The following IL6R variants were observed in gnomAD, a reference collection of about 807,000 sequenced individuals.
IL6R encodes the protein interleukin 6 receptor.
IL6R carries 38 observed loss-of-function variants against 48.3 expected under a neutral mutation model. The ratio of observed to expected loss-of-function variants is 0.79; its 90% CI spans 0.61 to 1.03. The LOEUF is 1.03. Among genes scored for constraint, IL6R ranks in the 50% least tolerant of loss-of-function variants. IL6R has a pLI of 0.00. For missense variants in IL6R, 534 were observed against 618.3 expected, an observed-to-expected ratio of 0.86 and a Z score of 1.45; for synonymous variants, 264 against 256.2, an observed-to-expected ratio of 1.03 and a Z score of -0.29.
At position 154,426,076 on chromosome 1, in the gene IL6R, G is replaced by GACACACAC. The variant is rs34280647; in HGVS notation, c.86-3094_86-3087dup. Among the ~76,000 whole-genome samples, 175 of 119,956 alleles carry GACACACAC rather than the reference G, an allele frequency of 1.5e-3. 1 individual carries two copies. Among genetic ancestry groups the GACACACAC allele is most frequent in the South Asian group, 0.011 (44 of 3,838 alleles). The allele number at this position is 119,956 out of a possible 152,430, so 78.7% of individuals were successfully genotyped here. A position where few individuals can be genotyped will look rare whatever the true frequency, so the allele number is the denominator to read the frequency against. On this transcript the variant is annotated intron_variant, in intron 1 of 9. Transcript: ENST00000368485. The stretch of plus-strand genomic sequence containing the variant: ...GGCAGCAGACTGAGACCCTGTATCA[G>GACACACAC]ACACACACACACACACACACACACA...
intron 1 of IL6R, among the ~76,000 whole-genome samples, chr1:154,415,563 C>T (rs1688293351): frequency 6.6e-6 from 1 of 152,248 alleles, no homozygotes; most frequent in South Asian, 2.1e-4. Context: ...GTCTCTTCTT[C>T]TGTCAAATAG....
chr1:154,422,369 A>G (rs1394683573), intron 1 of IL6R, among the ~76,000 whole-genome samples: 1 of 152,208 alleles, frequency 6.6e-6, no homozygotes, highest in Non-Finnish European at 1.5e-5. Context: ...CTTTAGAATA[A>G]TTGATCCCTC....
chr1:154,445,749 C>CAAAA (rs35455075), intron 6 of IL6R, among the ~76,000 whole-genome samples: 1 of 134,254 alleles, frequency 7.4e-6, no homozygotes, highest in Non-Finnish European at 1.6e-5. Context: ...GACTCGGTCT[C>CAAAA]AAAAAAAAAA....
At chr1:154,446,627 G>A (rs1690243870) in intron 6 of IL6R, among the ~76,000 whole-genome samples, 1 of 152,156 alleles carries the variant, frequency 6.6e-6, no homozygotes, top group Admixed American at 6.5e-5. Context: ...CTTGCCTTGG[G>A]GTTTCCGCAG....
intron 6 of IL6R, among the ~76,000 whole-genome samples, chr1:154,436,623 C>T (rs1471197180): frequency 6.6e-6 from 1 of 152,168 alleles, no homozygotes; most frequent in Non-Finnish European, 1.5e-5. Flanking sequence ...GAGATGGCCT[C>T]AGTCACATGT....
intron 6 of IL6R, chr1:154,445,004 G>GGAGATTTGTACACACAGCCTTT: frequency 2.2e-6 from 1 of 451,762 alleles, no homozygotes; most frequent in Non-Finnish European, 4.4e-6. Context: ...CAGACACTGT[G>GGAGATTTGTACACACAGCCTTT]GAGATTTGTA....
intron 1 of IL6R, among the ~76,000 whole-genome samples, chr1:154,416,892 A>G (rs1688389193): frequency 6.6e-6 from 1 of 152,176 alleles, no homozygotes; most frequent in Admixed American, 6.5e-5. Context: ...GAACAGAAGC[A>G]TCCTCAGGGG....
chr1:154,436,005 G>A lies in IL6R; in HGVS notation c.844G>A (p.Ala282Thr), dbSNP rs748599019. 12 of 1,611,484 alleles carry A rather than the reference G, an allele frequency of 7.4e-6. No individual in the cohort carries two copies. The highest frequency in any genetic ancestry group is 9.3e-6 in the Non-Finnish European group (11 of 1,178,276). Residue 282 changes from alanine to threonine, a missense_variant, in exon 6 of 10, where the codon GCC (alanine) becomes ACC (threonine). By Grantham distance (58) the Ala-to-Thr change is moderately conservative (BLOSUM62 0). Coordinates refer to ENST00000368485, the MANE Select transcript of IL6R (RefSeq NM_000565.4). Reference protein sequence around the residue: ...DLQHHCVIHDAWSGLRHVVQL... With the variant: ...DLQHHCVIHDTWSGLRHVVQL... ...CCAGCATCACTGTGTCATCCACGAC[G>A]CCTGGAGCGGCCTGAGGCACGTGGT...
chr1:154,461,483 G>A (rs1200402020), intron 9 of IL6R, among the ~76,000 whole-genome samples: 2 of 152,116 alleles, frequency 1.3e-5, no homozygotes, highest in African/African-American at 4.8e-5. Context: ...CATGACAGAG[G>A]GTTCACCTCT....
rs114037538 is a variant in IL6R at position 154,464,887 on chromosome 1, G to A, written c.1161-247G>A. Among the ~76,000 whole-genome samples the A allele has an allele frequency of 5.6e-3, 852 of 152,254 alleles. 2 individuals are homozygous for A. The highest frequency in any genetic ancestry group is 0.037 in the Middle Eastern group (11 of 294). ...GGTGGAAGAATCACCTGAGCCCAAG[G>A]AGGTTGAGGCTGCTGTGAGCTGAGA... is the stretch of plus-strand genomic sequence containing the variant. On this transcript the variant is annotated intron_variant, in intron 9 of 9. Coordinates refer to ENST00000368485, the MANE Select transcript of IL6R (RefSeq NM_000565.4).
At position 154,434,557 on chromosome 1, in the gene IL6R, A is replaced by G. The variant is rs1325346805; in HGVS notation, c.497A>G (p.Gln166Arg). The change falls in exon 4 of 10, where the codon CAG (glutamine) becomes CGG (arginine). Residue 166 changes from glutamine (Q) to arginine (R), a missense_variant. By Grantham distance (43) the Gln-to-Arg change is conservative. Coordinates refer to ENST00000368485, the MANE Select transcript of IL6R (RefSeq NM_000565.4). ...SPAEDFQEPC[Q>R]YSQESQKFSC... is the part of the protein sequence containing the mutation. ...GCCGAAGACTTCCAGGAGCCGTGCCAGTATTCCCAGGAGTCCCAGAAGTTC... is the reference window on the plus strand; with the variant it reads ...GCCGAAGACTTCCAGGAGCCGTGCCGGTATTCCCAGGAGTCCCAGAAGTTC... 6.2e-7 allele frequency: 1 copy of G among 1,614,050 alleles called. No individual in the cohort carries two copies. Among genetic ancestry groups the G allele is most frequent in the Admixed American group, 1.7e-5 (1 of 60,008 alleles).
At chr1:154,454,377 G>C in intron 8 of IL6R, 111 bp from the exon 9 acceptor site, 2 of 698,366 alleles carry the variant, frequency 2.9e-6, no homozygotes, top group Non-Finnish European at 5.0e-6. Context: ...GGAGGGGAAG[G>C]TTCCTTTGAG....
At chr1:154,442,441 G>T (rs571581900) in intron 6 of IL6R, among the ~76,000 whole-genome samples, 1 of 152,196 alleles carries the variant, frequency 6.6e-6, no homozygotes, top group South Asian at 2.1e-4. Flanking sequence ...AGGCCGACAC[G>T]TGTGTGGGTG....
chr1:154,459,447 A>G (rs1268847737), intron 9 of IL6R, among the ~76,000 whole-genome samples: 1 of 152,224 alleles, frequency 6.6e-6, no homozygotes, highest in Non-Finnish European at 1.5e-5. Context: ...TCTAGCAAAG[A>G]GTATAAACTT....
At chr1:154,457,739 T>C (rs1690973073) in intron 9 of IL6R, among the ~76,000 whole-genome samples, 1 of 152,202 alleles carries the variant, frequency 6.6e-6, no homozygotes, top group Non-Finnish European at 1.5e-5. Flanking sequence ...GATGTCAGGC[T>C]GGGTCTTCTA....
chr1:154,459,355 T>C (rs570613672), intron 9 of IL6R, among the ~76,000 whole-genome samples: 1 of 152,336 alleles, frequency 6.6e-6, no homozygotes, highest in Non-Finnish European at 1.5e-5. Context: ...TTCCATTTTC[T>C]TCTGTATAAG....
chr1:154,452,570 C>A (rs188416788), intron 8 of IL6R, among the ~76,000 whole-genome samples: 1 of 151,666 alleles, frequency 6.6e-6, no homozygotes, highest in Non-Finnish European at 1.5e-5. Flanking sequence ...CGGTGGCTCA[C>A]GCCTGTAATC....
In IL6R at chr1:154,465,193, C is replaced by T. The variant is rs149334407; in HGVS notation, c.1220C>T (p.Pro407Leu). The stretch of plus-strand genomic sequence containing the variant: ...GAAGGCAAGACAAGCATGCATCCGC[C>T]GTACTCTTTGGGGCAGCTGGTCCCG... ...LKEGKTSMHPPYSLGQLVPER... is the reference protein window; with the variant it reads ...LKEGKTSMHPLYSLGQLVPER... The change falls in exon 10 of 10, where the codon CCG becomes CTG. Residue 407 changes from proline (P) to leucine (L), a missense_variant. By Grantham distance (98) the Pro-to-Leu change is moderately conservative. Transcript: ENST00000368485. The T allele has an allele frequency of 1.4e-5, 23 of 1,614,002 alleles. No homozygotes were observed. In the East Asian group the frequency reaches 1.8e-4, roughly 13 times the overall value.
intron 1 of IL6R, among the ~76,000 whole-genome samples, chr1:154,407,884 C>G (rs1468959469): frequency 6.6e-6 from 1 of 152,142 alleles, no homozygotes; most frequent in Non-Finnish European, 1.5e-5. Context: ...CTCAAGTTCC[C>G]TCTTCCTACT....
Sources: allele counts gnomAD v4.1 joint callset (sites outside exome capture counted in the v4.1 genomes callset), GRCh38; gene constraint gnomAD v4.1.1; transcripts MANE v1.5; gene names NCBI Gene and HGNC (gene_info 2026-07-23, HGNC 2026-07-21).